DTNA: variants seen among roughly 807,000 people sequenced by gnomAD.
DTNA encodes dystrobrevin alpha.
Under a neutral mutation model 100.7 loss-of-function variants are expected in DTNA, and 43 were observed. That is an observed-to-expected ratio of 0.43 (90% CI 0.33 to 0.55). DTNA has a LOEUF of 0.55. Among genes scored for constraint, DTNA ranks in the 20% least tolerant of loss-of-function variants. The pLI is 0.04. For synonymous variants in DTNA, 349 were observed against 347.9 expected (o/e 1.00, Z -0.04); for missense variants, 798 against 953.9 (o/e 0.84, Z 2.15).
At chr18:34,553,829 C>T (rs2045724560) in intron 1 of DTNA, among the ~76,000 whole-genome samples, 3 of 152,260 alleles carry the variant, frequency 2.0e-5, no homozygotes, top group African/African-American at 7.2e-5. Context: ...CAGCTTTGTT[C>T]TTTTGGCTTA....
chr18:34,765,913 C>A lies in DTNA; in HGVS notation c.68-48C>A, dbSNP rs760171058. 7.0e-6 allele frequency: 11 copies of A among 1,579,112 alleles called. No individual in the cohort carries two copies. In the Admixed American group the frequency reaches 1.3e-4, roughly 19 times the overall value. ...TTTTATTTGTAAACATTGTAAATTTCTTTCTGCACACATGGCATACCTTAT... is the reference window on the plus strand; with the variant it reads ...TTTTATTTGTAAACATTGTAAATTTATTTCTGCACACATGGCATACCTTAT... On this transcript the variant is annotated intron_variant, in intron 2 of 22. Transcript: ENST00000444659.
At chr18:34,536,511 C>T (rs1305176258) in intron 1 of DTNA, among the ~76,000 whole-genome samples, 1 of 151,926 alleles carries the variant, frequency 6.6e-6, no homozygotes, top group Admixed American at 6.6e-5. Context: ...TTACTACTGA[C>T]ATTTAGCATG....
At chr18:34,649,648 T>G (rs895291622) in intron 1 of DTNA, among the ~76,000 whole-genome samples, 2 of 152,220 alleles carry the variant, frequency 1.3e-5, no homozygotes, top group African/African-American at 4.8e-5. Context: ...AACTTTTGGT[T>G]GTTTCTGCCA....
intron 1 of DTNA, among the ~76,000 whole-genome samples, chr18:34,659,939 G>T (rs2074956188): frequency 6.6e-6 from 1 of 152,180 alleles, no homozygotes. Flanking sequence ...GGTTGCTTTT[G>T]CTGACATACT....
intron 1 of DTNA, among the ~76,000 whole-genome samples, chr18:34,670,173 G>T (rs35466373): frequency 0.048 from 7,294 of 152,018 alleles, 272 homozygotes; most frequent in Non-Finnish European, 0.075. Flanking sequence ...TCATTCATTT[G>T]GTCTTCCATC....
In DTNA at chr18:34,585,551, G is replaced by A. The variant is rs190415261; in HGVS notation, c.-2+92037G>A. Among the ~76,000 whole-genome samples, 299 of 152,276 alleles carry A rather than the reference G, an allele frequency of 2.0e-3. 1 individual carries two copies. Among genetic ancestry groups the A allele is most frequent in the African/African-American group, 7.0e-3 (289 of 41,552 alleles). On this transcript the variant is annotated intron_variant, in intron 1 of 19. Transcript: ENST00000283365. ...GGGAAGATTAAGCTAAGGGAAGCAT[G>A]TGTGTGCTCATGTGTGTGGTAGGGA...
chr18:34,723,216 T>C (rs1049444762), intron 1 of DTNA, among the ~76,000 whole-genome samples: 1 of 152,176 alleles, frequency 6.6e-6, no homozygotes, highest in Non-Finnish European at 1.5e-5. Flanking sequence ...TCAAAGAAAC[T>C]GTATAAGTAA....
chr18:34,829,533 A>G (rs769327832), intron 11 of DTNA, 44 bp downstream of exon 11: 61 of 1,450,218 alleles, frequency 4.2e-5, no homozygotes, highest in Non-Finnish European at 8.2e-6. Context: ...TAGTAGTTCC[A>G]TAGCTAGACT....
At chr18:34,875,186 A>T in intron 17 of DTNA, 53 bp from the exon 18 acceptor site, 1 of 1,604,326 alleles carries the variant, frequency 6.2e-7, no homozygotes, top group Non-Finnish European at 8.5e-7. Context: ...ATTGGGGATG[A>T]CATATGACAT....
At chr18:34,877,104 GC>G (rs1254148053) in intron 18 of DTNA, among the ~76,000 whole-genome samples, 2 of 152,140 alleles carry the variant, frequency 1.3e-5, no homozygotes, top group Non-Finnish European at 2.9e-5. Context: ...ACATGCATCT[GC>G]CCATGTCTTG....
intron 1 of DTNA, among the ~76,000 whole-genome samples, chr18:34,599,752 A>C (rs778683468): frequency 2.0e-5 from 3 of 152,138 alleles, no homozygotes; most frequent in Non-Finnish European, 2.9e-5. Context: ...CTGTCAGCTC[A>C]CTGCAGCCTC....
At chr18:34,544,597 A>C (rs1382389159) in intron 1 of DTNA, among the ~76,000 whole-genome samples, 1 of 152,136 alleles carries the variant, frequency 6.6e-6, no homozygotes, top group Non-Finnish European at 1.5e-5. Context: ...ATTAGAGTAC[A>C]TATATTTATA....
intron 17 of DTNA, chr18:34,866,174 G>A: frequency 1.2e-6 from 2 of 1,614,146 alleles, no homozygotes; most frequent in Non-Finnish European, 1.7e-6. Flanking sequence ...AACAGTGGAG[G>A]GGCCTGCCGA....
chr18:34,510,069 T>TTGGGTG (rs2040885145), intron 1 of DTNA, among the ~76,000 whole-genome samples: 2 of 144,960 alleles, frequency 1.4e-5, no homozygotes, highest in South Asian at 4.4e-4. Context: ...GAGTGTAATT[T>TTGGGTG]TGTGTGTGTG....
intron 1 of DTNA, among the ~76,000 whole-genome samples, chr18:34,516,765 C>G (rs562733572): frequency 6.6e-6 from 1 of 152,086 alleles, no homozygotes; most frequent in African/African-American, 2.4e-5. Context: ...CCCTGAAAAT[C>G]GCAGCCATCC....
intron 1 of DTNA, among the ~76,000 whole-genome samples, chr18:34,530,313 TTTACTC>T (rs2043019840): frequency 6.6e-6 from 1 of 152,092 alleles, no homozygotes; most frequent in African/African-American, 2.4e-5. Flanking sequence ...AAAGGGTCCT[TTTACTC>T]TTAGTCCTCT....
At position 34,790,664 on chromosome 18, in the gene DTNA, C is replaced by T. The variant is rs188078999; in HGVS notation, c.149-3373C>T. ...TTGGCTCACTGCAAGCTCCGCCTCCCGGCTTCACGCCATTCTCCAAGCAGC... is the reference window on the plus strand; with the variant it reads ...TTGGCTCACTGCAAGCTCCGCCTCCTGGCTTCACGCCATTCTCCAAGCAGC... On this transcript the variant is annotated intron_variant, in intron 3 of 22. Coordinates refer to ENST00000444659, the MANE Select transcript of DTNA (RefSeq NM_001386795.1). 5.6e-3 allele frequency among the ~76,000 whole-genome samples: 843 copies of T among 149,550 alleles called. 18 individuals carry two copies. The highest frequency in any genetic ancestry group is 0.041 in the Admixed American group (608 of 14,858).
intron 7 of DTNA, 119 bp downstream of exon 7, chr18:34,816,133 T>C: frequency 9.9e-7 from 1 of 1,005,896 alleles, no homozygotes; most frequent in Non-Finnish European, 1.5e-6. Context: ...GCTCTTAGTT[T>C]TGTTTAGGGT....
intron 1 of DTNA, among the ~76,000 whole-genome samples, chr18:34,598,090 A>G (rs2051012460): frequency 6.6e-6 from 1 of 152,062 alleles, no homozygotes; most frequent in Non-Finnish European, 1.5e-5. Flanking sequence ...TTTTCTTTTG[A>G]CCTTAGACTC....
Sources: allele counts gnomAD v4.1 joint callset (sites outside exome capture counted in the v4.1 genomes callset), GRCh38; gene constraint gnomAD v4.1.1; transcripts MANE v1.5; gene names NCBI Gene and HGNC (gene_info 2026-07-23, HGNC 2026-07-21).